The following DAP3 variants were observed in gnomAD, a reference collection of about 807,000 sequenced individuals.
DAP3 encodes the protein small ribosomal subunit protein mS29.
In DAP3, 28 loss-of-function variants were observed where a neutral mutation model predicts 51.9. The ratio of observed to expected loss-of-function variants is 0.54; its 90% CI spans 0.40 to 0.74. The LOEUF (loss-of-function observed/expected upper bound fraction) is 0.74. Among genes scored for constraint, DAP3 ranks in the 30% least tolerant of loss-of-function variants. The pLI is 0.00. For synonymous variants in DAP3, 170 were observed against 170.3 expected (o/e 1.00, Z 0.01); for missense variants, 458 against 483.5 (o/e 0.95, Z 0.49).
chr1:155,721,396 GTA>G (rs891897985), intron 3 of DAP3, 119 bp from the exon 4 acceptor site: 2 of 444,390 alleles, frequency 4.5e-6, no homozygotes, highest in African/African-American at 2.5e-5. Context: ...ATATATGTAT[GTA>G]TGTATATATA....
At chr1:155,719,892 C>A (rs1373163979) in intron 3 of DAP3, among the ~76,000 whole-genome samples, 2 of 152,096 alleles carry the variant, frequency 1.3e-5, no homozygotes, top group African/African-American at 4.8e-5. Flanking sequence ...GCCTGTAGTC[C>A]CAGCTACTCG....
At position 155,702,992 on chromosome 1, in the gene DAP3, A is replaced by G. The variant is rs527808951; in HGVS notation, c.-7-6781A>G. 5.9e-5 allele frequency among the ~76,000 whole-genome samples: 9 copies of G among 152,218 alleles called. No individual in the cohort carries two copies. In the South Asian group the frequency reaches 1.9e-3, roughly 32 times the overall value. ...TCAAGAAAAAAAGAAAAAGAAAAAG[A>G]AAAATCAGTTGACCGTGATGTAAAT... On this transcript the variant is annotated intron_variant, in intron 1 of 12. Coordinates refer to ENST00000368336, the MANE Select transcript of DAP3 (RefSeq NM_004632.4).
intron 1 of DAP3, among the ~76,000 whole-genome samples, chr1:155,692,285 T>G (rs1653926112): frequency 7.1e-6 from 1 of 141,722 alleles, no homozygotes; most frequent in Admixed American, 6.6e-5. Context: ...GCTTTCCTCC[T>G]CAGAGTCCTC....
chr1:155,735,364 T>G (rs1158952226), intron 11 of DAP3, among the ~76,000 whole-genome samples: 1 of 152,036 alleles, frequency 6.6e-6, no homozygotes, highest in African/African-American at 2.4e-5. Flanking sequence ...TCACCTGAGG[T>G]CAGGAGTTCA....
rs143736850 is a variant in DAP3, at chr1:155,692,043, A to C, written c.-8+2869A>C. ...GCAGATGTTCAGGGCGAAACAGTCAAAGGGAAGCAGTACGTCATACACATA... is the reference window on the plus strand; with the variant it reads ...GCAGATGTTCAGGGCGAAACAGTCACAGGGAAGCAGTACGTCATACACATA... On this transcript the variant is annotated intron_variant, in intron 1 of 12. Coordinates refer to ENST00000368336, the MANE Select transcript of DAP3 (RefSeq NM_004632.4). Among the ~76,000 whole-genome samples the C allele has an allele frequency of 1.1e-4, 16 of 141,756 alleles. No homozygotes were observed. The East Asian group carries it at 3.1e-3, about 27-fold the overall frequency. 93.0% of individuals were successfully genotyped at this position (141,756 alleles called of 152,430 possible). A position where few individuals can be genotyped will look rare whatever the true frequency, so the allele number is the denominator to read the frequency against.
chr1:155,689,780 C>T (rs1653435413), intron 1 of DAP3, among the ~76,000 whole-genome samples: 1 of 152,040 alleles, frequency 6.6e-6, no homozygotes, highest in Non-Finnish European at 1.5e-5. Context: ...GCCGTGGTGG[C>T]GGGCGCCTGT....
chr1:155,702,627 T>G (rs571178077), intron 1 of DAP3, among the ~76,000 whole-genome samples: 26 of 152,300 alleles, frequency 1.7e-4, no homozygotes, highest in Admixed American at 7.2e-4. Flanking sequence ...CAGCATTTGT[T>G]GAAGACACTA....
intron 4 of DAP3, among the ~76,000 whole-genome samples, chr1:155,722,369 T>C (rs1005732188): frequency 4.6e-5 from 7 of 152,068 alleles, no homozygotes; most frequent in African/African-American, 1.7e-4. Flanking sequence ...ATTGCACCAC[T>C]GTACCCCAGC....
chr1:155,728,555 T>C (rs1019299197), intron 7 of DAP3, among the ~76,000 whole-genome samples: 1 of 150,038 alleles, frequency 6.7e-6, no homozygotes, highest in African/African-American at 2.5e-5. Context: ...GAGCGAGATA[T>C]GGTCTCAAAA....
chr1:155,737,563 T>A (rs1451708267), intron 12 of DAP3, among the ~76,000 whole-genome samples: 1 of 152,162 alleles, frequency 6.6e-6, no homozygotes, highest in Non-Finnish European at 1.5e-5. Context: ...GCCCTTGACC[T>A]CACATTTGAG....
intron 2 of DAP3, among the ~76,000 whole-genome samples, chr1:155,714,887 CAT>C (rs748426628): frequency 6.6e-6 from 1 of 151,860 alleles, no homozygotes; most frequent in African/African-American, 2.4e-5. Context: ...ACAGAGATAA[CAT>C]ATATTTTCTG....
At chr1:155,710,882 T>C (rs1656611790) in intron 2 of DAP3, among the ~76,000 whole-genome samples, 1 of 151,926 alleles carries the variant, frequency 6.6e-6, no homozygotes, top group African/African-American at 2.4e-5. Context: ...CATGAAAAAA[T>C]GACTATTTCA....
chr1:155,725,331 A>C (rs1571538556), intron 4 of DAP3, 51 bp from the exon 5 acceptor site: 1 of 1,477,010 alleles, frequency 6.8e-7, no homozygotes, highest in Non-Finnish European at 9.5e-7. Context: ...ACCACCCCCC[A>C]CCCACTCCTT....
At chr1:155,697,285 A>G (rs879869725) in intron 1 of DAP3, among the ~76,000 whole-genome samples, 3 of 152,152 alleles carry the variant, frequency 2.0e-5, no homozygotes, top group Non-Finnish European at 4.4e-5. Flanking sequence ...GGAGGTGGCC[A>G]TTCCGGACAT....
intron 1 of DAP3, 106 bp downstream of exon 1, chr1:155,689,280 G>C (rs1160612986): frequency 3.1e-6 from 2 of 648,950 alleles, no homozygotes; most frequent in Non-Finnish European, 5.7e-6. Flanking sequence ...GCGCCTCCGG[G>C]GGGGATTCCT....
intron 1 of DAP3, among the ~76,000 whole-genome samples, chr1:155,690,203 T>C (rs1455103592): frequency 7.1e-6 from 1 of 141,532 alleles, no homozygotes; most frequent in African/African-American, 3.2e-5. Flanking sequence ...GTGATAGATA[T>C]AAAGAAAGGA....
chr1:155,735,982 C>G (rs1268479583), intron 11 of DAP3, among the ~76,000 whole-genome samples: 1 of 151,716 alleles, frequency 6.6e-6, no homozygotes, highest in Non-Finnish European at 1.5e-5. Flanking sequence ...GCTGGGACGA[C>G]AGGTGCATGC....
chr1:155,726,113 C>CTTTTTTT (rs377658512), intron 6 of DAP3, 94 bp downstream of exon 6: 7 of 676,992 alleles, frequency 1.0e-5, no homozygotes, highest in Non-Finnish European at 1.3e-5. Flanking sequence ...CTTTTCTTTT[C>CTTTTTTT]TTTTTTTTTT....
intron 3 of DAP3, 124 bp downstream of exon 3, chr1:155,717,252 C>A: frequency 1.4e-6 from 2 of 1,419,822 alleles, no homozygotes. Flanking sequence ...AGATAGTGCA[C>A]CTGAGATAGC....
Sources: allele counts gnomAD v4.1 joint callset (sites outside exome capture counted in the v4.1 genomes callset), GRCh38; gene constraint gnomAD v4.1.1; transcripts MANE v1.5; gene names NCBI Gene and HGNC (gene_info 2026-07-23, HGNC 2026-07-21).